The following HS3ST5 variants were observed in gnomAD, a reference collection of about 807,000 sequenced individuals.
The protein encoded by HS3ST5 is heparan sulfate glucosamine 3-O-sulfotransferase 5.
Under a neutral mutation model 25.4 loss-of-function variants are expected in HS3ST5, and 10 were observed. The ratio of observed to expected loss-of-function variants is 0.39; its 90% CI spans 0.24 to 0.67. The LOEUF (loss-of-function observed/expected upper bound fraction) is 0.67. HS3ST5 is among the 30% of genes least tolerant of loss of function. HS3ST5 has a pLI of 0.44. For missense variants in HS3ST5, 324 were observed against 420.7 expected (o/e 0.77, Z 2.01); for synonymous variants, 170 against 162.4 (o/e 1.05, Z -0.36).
intron 1 of HS3ST5, among the ~76,000 whole-genome samples, chr6:114,285,681 C>T (rs944922835): frequency 1.7e-4 from 26 of 151,452 alleles, no homozygotes; most frequent in South Asian, 6.3e-4. Context: ...GTGGGGAGGG[C>T]GGTGGGAGGA....
At chr6:114,096,071 T>C (rs1342475884) in intron 3 of HS3ST5, among the ~76,000 whole-genome samples, 1 of 152,168 alleles carries the variant, frequency 6.6e-6, no homozygotes, top group Non-Finnish European at 1.5e-5. Context: ...ATTCCATGGA[T>C]GTATTTTAAA....
intron 3 of HS3ST5, among the ~76,000 whole-genome samples, chr6:114,139,726 T>G (rs1777813634): frequency 6.6e-6 from 1 of 152,206 alleles, no homozygotes; most frequent in Admixed American, 6.5e-5. Flanking sequence ...ATGCATCATC[T>G]TCAACTTGTG....
chr6:114,154,803 GT>G lies in HS3ST5; in HGVS notation c.-33+13547del, dbSNP rs1778620583. Among the ~76,000 whole-genome samples, 17 of 152,134 alleles carry G rather than the reference GT, an allele frequency of 1.1e-4. 1 individual carries two copies. Among genetic ancestry groups the G allele is most frequent in the Admixed American group, 1.1e-3 (17 of 15,282 alleles). ...TGTGCTTCACGCAGATGTGGGCAGG[GT>G]TTGCTTCCTGTGGCCTTTGTCAAAT... On this transcript the variant is annotated intron_variant, in intron 3 of 4. Transcript: ENST00000312719.
At chr6:114,264,977 T>C (rs1047761050) in intron 1 of HS3ST5, among the ~76,000 whole-genome samples, 3 of 152,164 alleles carry the variant, frequency 2.0e-5, no homozygotes, top group Non-Finnish European at 2.9e-5. Flanking sequence ...ACTCCTGGGC[T>C]CAAGTGATCC....
At chr6:114,159,970 T>TA (rs1465957489) in intron 3 of HS3ST5, among the ~76,000 whole-genome samples, 1 of 152,208 alleles carries the variant, frequency 6.6e-6, no homozygotes, top group Non-Finnish European at 1.5e-5. Flanking sequence ...GTAGCAAATG[T>TA]AAAACTTGTA....
intron 1 of HS3ST5, among the ~76,000 whole-genome samples, chr6:114,261,519 T>A (rs1773171093): frequency 6.6e-6 from 1 of 152,178 alleles, no homozygotes; most frequent in African/African-American, 2.4e-5. Context: ...CAATTAGTCA[T>A]ATGAACGAAC....
chr6:114,075,915 G>A (rs537204294), intron 3 of HS3ST5, among the ~76,000 whole-genome samples: 1 of 152,262 alleles, frequency 6.6e-6, no homozygotes, highest in Admixed American at 6.5e-5. Flanking sequence ...CTGCCTTCAA[G>A]AACGTGGTAG....
intron 3 of HS3ST5, among the ~76,000 whole-genome samples, chr6:114,113,282 T>C (rs1203630740): frequency 6.6e-6 from 1 of 152,046 alleles, no homozygotes; most frequent in East Asian, 1.9e-4. Context: ...AAACTATTTC[T>C]TCACCCATAA....
intron 1 of HS3ST5, among the ~76,000 whole-genome samples, chr6:114,275,285 T>C (rs959448632): frequency 2.6e-5 from 4 of 152,082 alleles, no homozygotes; most frequent in East Asian, 1.9e-4. Context: ...ACATAATATA[T>C]GTTTATTAAG....
intron 1 of HS3ST5, among the ~76,000 whole-genome samples, chr6:114,323,975 C>A (rs1025307823): frequency 1.3e-5 from 2 of 152,084 alleles, no homozygotes; most frequent in Admixed American, 6.6e-5. Context: ...TTTGAGAAGA[C>A]CCCTGCAGGG....
At chr6:114,150,530 C>CTTCA in intron 3 of HS3ST5, among the ~76,000 whole-genome samples, 1 of 152,158 alleles carries the variant, frequency 6.6e-6, no homozygotes, top group Non-Finnish European at 1.5e-5. Context: ...GGGAAAGCTG[C>CTTCA]TTCAATTAGA....
intron 2 of HS3ST5, among the ~76,000 whole-genome samples, chr6:114,177,560 G>A (rs921116766): frequency 2.0e-5 from 3 of 152,198 alleles, no homozygotes; most frequent in Non-Finnish European, 4.4e-5. Flanking sequence ...TCTAAAGTAT[G>A]ATGGCATATT....
chr6:114,181,911 C>G (rs902805376), intron 2 of HS3ST5, among the ~76,000 whole-genome samples: 40 of 151,630 alleles, frequency 2.6e-4, no homozygotes, highest in Non-Finnish European at 5.2e-4. Flanking sequence ...TGTGTACGCA[C>G]GCACACACAC....
chr6:114,161,521 T>TTATATATATAAA (rs1778949072), intron 3 of HS3ST5, among the ~76,000 whole-genome samples: 2 of 33,538 alleles, frequency 6.0e-5, no homozygotes, highest in Non-Finnish European at 1.1e-4. Context: ...TCCTGAAGTT[T>TTATATATATAAA]TATATATATA....
rs762271580 is a variant in HS3ST5, at chr6:114,109,262, A to ATG, written c.-32-46387_-32-46386dup. Among the ~76,000 whole-genome samples the ATG allele has an allele frequency of 5.2e-3, 633 of 122,752 alleles. 3 individuals carry two copies. Among genetic ancestry groups the ATG allele is most frequent in the African/African-American group, 0.014 (532 of 37,808 alleles). The allele number at this position is 122,752 out of a possible 152,430, so 80.5% of individuals were successfully genotyped here. On this transcript the variant is annotated intron_variant, in intron 3 of 4. Transcript: ENST00000312719. ...TTAAGCGGAAGGTGTTTGTATCTAT[A>ATG]TGTGTGTGTGTATATATATATATAT...
At chr6:114,085,522 C>T (rs1582583074) in intron 3 of HS3ST5, among the ~76,000 whole-genome samples, 1 of 152,172 alleles carries the variant, frequency 6.6e-6, no homozygotes, top group African/African-American at 2.4e-5. Flanking sequence ...GGCAGTATAG[C>T]TCTCTAGAAT....
At chr6:114,101,339 A>G (rs12663936) in intron 3 of HS3ST5, among the ~76,000 whole-genome samples, 20,525 of 152,228 alleles carry the variant, frequency 0.13, 1,639 homozygotes, top group Non-Finnish European at 0.18. Context: ...ATGATATTGC[A>G]TTATATCTAT....
chr6:114,328,674 G>A (rs1356347783), intron 1 of HS3ST5, among the ~76,000 whole-genome samples: 1 of 152,204 alleles, frequency 6.6e-6, no homozygotes, highest in Non-Finnish European at 1.5e-5. Flanking sequence ...CAGTGCTAAC[G>A]CTAAACATGT....
At chr6:114,260,273 T>C (rs889795854) in intron 1 of HS3ST5, among the ~76,000 whole-genome samples, 28 of 152,188 alleles carry the variant, frequency 1.8e-4, no homozygotes, top group African/African-American at 6.8e-4. Flanking sequence ...TTATAAAAAC[T>C]TTAGGAATGT....
Sources: allele counts gnomAD v4.1 joint callset (sites outside exome capture counted in the v4.1 genomes callset), GRCh38; gene constraint gnomAD v4.1.1; transcripts MANE v1.5; gene names NCBI Gene and HGNC (gene_info 2026-07-23, HGNC 2026-07-21).